Variants in NTNG1 observed in about 807,000 individuals in gnomAD.
NTNG1 encodes the protein netrin G1.
Under a neutral mutation model 54.0 loss-of-function variants are expected in NTNG1, and 16 were observed. The ratio of observed to expected loss-of-function variants is 0.30; its 90% CI spans 0.20 to 0.45. NTNG1 has a LOEUF of 0.45. NTNG1 is among the 20% of genes least tolerant of loss of function. The pLI is 1.00. For synonymous variants in NTNG1, 255 were observed against 263.1 expected (o/e 0.97, Z 0.30); for missense variants, 530 against 678.7 (o/e 0.78, Z 2.43).
intron 2 of NTNG1, among the ~76,000 whole-genome samples, chr1:107,223,746 G>T (rs974918944): frequency 1.3e-5 from 2 of 152,102 alleles, no homozygotes; most frequent in Admixed American, 1.3e-4. Flanking sequence ...ATTACAGGAC[G>T]GAGAGAAAGG....
intron 2 of NTNG1, among the ~76,000 whole-genome samples, chr1:107,163,567 C>T (rs565170638): frequency 1.3e-5 from 2 of 152,128 alleles, no homozygotes; most frequent in Non-Finnish European, 2.9e-5. Context: ...TAGCTAACTG[C>T]TTGTGAGGTT....
chr1:107,239,455 CA>C (rs761474260), intron 2 of NTNG1, among the ~76,000 whole-genome samples: 9 of 152,130 alleles, frequency 5.9e-5, no homozygotes, highest in Non-Finnish European at 8.8e-5. Context: ...TTGGAATTAA[CA>C]CCTGAGATTA....
rs1275797315 is a variant in NTNG1, at chr1:107,263,209, GA to G, written c.247-61072del. ...CATCCCCACAGTTCTTCAGAGAAAGGATGTGTGGGTGTGAGAGTGAGTGGGT... is the reference window on the plus strand; with the variant it reads ...CATCCCCACAGTTCTTCAGAGAAAGGTGTGTGGGTGTGAGAGTGAGTGGGT... On this transcript the variant is annotated intron_variant, in intron 2 of 7. Coordinates refer to ENST00000370068, the MANE Select transcript of NTNG1 (RefSeq NM_001113226.3). 2.6e-5 allele frequency among the ~76,000 whole-genome samples: 4 copies of G among 152,298 alleles called. No individual in the cohort carries two copies. The East Asian group carries it at 7.7e-4, about 29-fold the overall frequency.
intron 2 of NTNG1, among the ~76,000 whole-genome samples, chr1:107,278,936 G>A (rs964055986): frequency 5.3e-5 from 8 of 151,958 alleles, no homozygotes; most frequent in East Asian, 1.9e-4. Context: ...TTATTTTTAT[G>A]TTGTTAGGAT....
At chr1:107,261,782 G>A (rs988480317) in intron 2 of NTNG1, among the ~76,000 whole-genome samples, 1 of 152,218 alleles carries the variant, frequency 6.6e-6, no homozygotes, top group Non-Finnish European at 1.5e-5. Flanking sequence ...GGCGGAGCTT[G>A]CAGTGAGCTG....
At chr1:107,461,735 T>C (rs1677295595) in intron 7 of NTNG1, among the ~76,000 whole-genome samples, 2 of 151,994 alleles carry the variant, frequency 1.3e-5, no homozygotes, top group Non-Finnish European at 1.5e-5. Flanking sequence ...GGTTTCACCA[T>C]GTTGGCCAGG....
chr1:107,322,942 G>A (rs960602490), intron 2 of NTNG1, among the ~76,000 whole-genome samples: 5 of 151,996 alleles, frequency 3.3e-5, no homozygotes, highest in Non-Finnish European at 7.4e-5. Flanking sequence ...TGACTAGGTA[G>A]GAGAAAGTTG....
chr1:107,233,531 G>A (rs960730257), intron 2 of NTNG1, among the ~76,000 whole-genome samples: 19 of 152,266 alleles, frequency 1.2e-4, no homozygotes, highest in Middle Eastern at 3.4e-3. Context: ...GATAAATTAC[G>A]TCTTTTATTG....
At chr1:107,466,706 T>C (rs974647736) in intron 7 of NTNG1, among the ~76,000 whole-genome samples, 1 of 152,210 alleles carries the variant, frequency 6.6e-6, no homozygotes, top group South Asian at 2.1e-4. Context: ...TTAAATACCA[T>C]GCATAGCCTC....
At chr1:107,287,441 C>T (rs1027806183) in intron 2 of NTNG1, among the ~76,000 whole-genome samples, 3 of 152,148 alleles carry the variant, frequency 2.0e-5, no homozygotes, top group South Asian at 4.2e-4. Flanking sequence ...GCATGCATGC[C>T]GGAAATGTAG....
intron 2 of NTNG1, among the ~76,000 whole-genome samples, chr1:107,315,181 T>G (rs888317030): frequency 6.6e-6 from 1 of 152,112 alleles, no homozygotes; most frequent in African/African-American, 2.4e-5. Context: ...TCATAAATAT[T>G]AAGGAGGTAT....
chr1:107,214,820 C>T (rs1022064935), intron 2 of NTNG1, among the ~76,000 whole-genome samples: 16 of 149,634 alleles, frequency 1.1e-4, no homozygotes, highest in Non-Finnish European at 2.4e-4. Flanking sequence ...CTGATTATGG[C>T]CATTCTTGCA....
In NTNG1 at chr1:107,289,245, G is replaced by A. The variant is rs182335077; in HGVS notation, c.247-35037G>A. Reference sequence around the variant, plus strand: ...CTGCTATGCTGGATTTCTCTCCTCTGTCTTCATCGGGAACCTTGTGCTATT... The same window carrying A: ...CTGCTATGCTGGATTTCTCTCCTCTATCTTCATCGGGAACCTTGTGCTATT... On this transcript the variant is annotated intron_variant, in intron 2 of 7. Transcript: ENST00000370068. 1.8e-3 allele frequency among the ~76,000 whole-genome samples: 267 copies of A among 152,122 alleles called. 2 individuals are homozygous for A. The highest frequency in any genetic ancestry group is 4.6e-4 in the Non-Finnish European group (31 of 67,968).
chr1:107,464,081 T>C (rs145172991), intron 7 of NTNG1, among the ~76,000 whole-genome samples: 130 of 152,316 alleles, frequency 8.5e-4, no homozygotes, highest in African/African-American at 3.0e-3. Context: ...CAATATCCTT[T>C]GAGTTGTGTG....
intron 2 of NTNG1, among the ~76,000 whole-genome samples, chr1:107,198,328 T>C (rs1234849891): frequency 6.6e-6 from 1 of 152,030 alleles, no homozygotes; most frequent in East Asian, 1.9e-4. Flanking sequence ...ACAAGATTAC[T>C]ATTGAGATAA....
At chr1:107,362,248 G>A (rs1478620493) in intron 3 of NTNG1, among the ~76,000 whole-genome samples, 1 of 152,106 alleles carries the variant, frequency 6.6e-6, no homozygotes, top group Non-Finnish European at 1.5e-5. Context: ...TAAAAGAGAC[G>A]GTTACACCTT....
chr1:107,321,152 G>A (rs879389626), intron 2 of NTNG1, among the ~76,000 whole-genome samples: 3 of 151,974 alleles, frequency 2.0e-5, no homozygotes, highest in African/African-American at 4.8e-5. Context: ...AGTTGTCATC[G>A]TGTAACATTA....
chr1:107,267,767 A>G (rs1485397644), intron 2 of NTNG1, among the ~76,000 whole-genome samples: 1 of 151,466 alleles, frequency 6.6e-6, no homozygotes, highest in Admixed American at 6.6e-5. Flanking sequence ...ACATACATTA[A>G]CTCCTAGACT....
intron 2 of NTNG1, among the ~76,000 whole-genome samples, chr1:107,214,287 G>A (rs528555925): frequency 6.6e-5 from 10 of 152,008 alleles, no homozygotes; most frequent in East Asian, 1.9e-4. Flanking sequence ...ACTTTCCCCC[G>A]AGTCCCCAAA....
Sources: gnomAD v4.1 joint callset for allele counts (sites outside exome capture counted in the v4.1 genomes callset) on GRCh38, gnomAD v4.1.1 for gene constraint, MANE v1.5 for transcripts, NCBI Gene and HGNC (gene_info 2026-07-23, HGNC 2026-07-21) for gene names.